The following JAZF1 variants were observed in gnomAD, a reference collection of about 807,000 sequenced individuals.
JAZF1 encodes JAZF zinc finger 1.
In JAZF1, 8 loss-of-function variants were observed where a neutral mutation model predicts 26.4. The ratio of observed to expected loss-of-function variants is 0.30; its 90% CI spans 0.18 to 0.55. JAZF1 has a LOEUF of 0.55. Ranked by LOEUF, JAZF1 falls within the 20% of genes least tolerant of loss-of-function variation. JAZF1 has a pLI of 0.94. For missense variants in JAZF1, 199 were observed against 322.0 expected (o/e 0.62, Z 2.92); for synonymous variants, 126 against 122.3 (o/e 1.03, Z -0.20).
chr7:27,886,878 A>G (rs953945066), intron 3 of JAZF1, among the ~76,000 whole-genome samples: 2 of 152,250 alleles, frequency 1.3e-5, no homozygotes, highest in African/African-American at 2.4e-5. Flanking sequence ...AGACTGGATA[A>G]AGAAAATGTG....
chr7:28,029,157 C>T (rs1259054441), intron 1 of JAZF1, among the ~76,000 whole-genome samples: 1 of 151,970 alleles, frequency 6.6e-6, no homozygotes, highest in East Asian at 1.9e-4. Flanking sequence ...AGAGGATGGC[C>T]CCGGGGAGGA....
At chr7:28,157,380 T>G (rs985280948) in intron 1 of JAZF1, among the ~76,000 whole-genome samples, 1 of 152,188 alleles carries the variant, frequency 6.6e-6, no homozygotes, top group East Asian at 1.9e-4. Flanking sequence ...TCACAATTAT[T>G]CAACTCTGCC....
At chr7:27,983,084 G>C (rs537918924) in intron 2 of JAZF1, among the ~76,000 whole-genome samples, 1 of 152,348 alleles carries the variant, frequency 6.6e-6, no homozygotes, top group African/African-American at 2.4e-5. Flanking sequence ...AACAAAGCTG[G>C]ATGGAGAATG....
chr7:28,124,000 G>A (rs1401359941), intron 1 of JAZF1, among the ~76,000 whole-genome samples: 1 of 152,180 alleles, frequency 6.6e-6, no homozygotes, highest in Non-Finnish European at 1.5e-5. Flanking sequence ...AACGTGCCAC[G>A]TGCAGCATCT....
intron 1 of JAZF1, among the ~76,000 whole-genome samples, chr7:28,059,453 CTAAG>C (rs1316389813): frequency 1.3e-5 from 2 of 152,076 alleles, no homozygotes; most frequent in Non-Finnish European, 2.9e-5. Flanking sequence ...TACCTTCTTC[CTAAG>C]TAATATGTTA....
chr7:28,150,055 A>T (rs1257331113), intron 1 of JAZF1, among the ~76,000 whole-genome samples: 1 of 152,172 alleles, frequency 6.6e-6, no homozygotes, highest in Admixed American at 6.5e-5. Flanking sequence ...TCTGAAGAGG[A>T]TTCCATTTCC....
intron 1 of JAZF1, among the ~76,000 whole-genome samples, chr7:28,033,107 G>C (rs1045038943): frequency 1.3e-5 from 2 of 152,078 alleles, no homozygotes; most frequent in African/African-American, 2.4e-5. Flanking sequence ...AAACTAGATG[G>C]GGAGTCCATC....
At chr7:28,016,023 C>T (rs1401726770) in intron 1 of JAZF1, among the ~76,000 whole-genome samples, 1 of 152,208 alleles carries the variant, frequency 6.6e-6, no homozygotes, top group Non-Finnish European at 1.5e-5. Flanking sequence ...TGCTCCTCTT[C>T]CAGACAGTGA....
intron 1 of JAZF1, among the ~76,000 whole-genome samples, chr7:28,143,264 G>A (rs1025781165): frequency 6.6e-6 from 1 of 152,152 alleles, no homozygotes; most frequent in Non-Finnish European, 1.5e-5. Context: ...ATACTTGTGT[G>A]TCTTCAGAAC....
chr7:28,038,687 A>G (rs368078205), intron 1 of JAZF1, among the ~76,000 whole-genome samples: 5 of 152,326 alleles, frequency 3.3e-5, no homozygotes, highest in African/African-American at 1.2e-4. Flanking sequence ...CAAATCCTTG[A>G]TTAACTGAAA....
At chr7:27,877,453 G>C (rs1014088537) in intron 3 of JAZF1, among the ~76,000 whole-genome samples, 1 of 152,184 alleles carries the variant, frequency 6.6e-6, no homozygotes, top group Admixed American at 6.5e-5. Flanking sequence ...AAACCCAGAG[G>C]AACTCACAAC....
chr7:27,911,453 C>T (rs545717691), intron 2 of JAZF1, among the ~76,000 whole-genome samples: 7 of 152,112 alleles, frequency 4.6e-5, no homozygotes, highest in Non-Finnish European at 8.8e-5. Flanking sequence ...AGGAAAGTTA[C>T]AAAATGCTAA....
At chr7:27,963,023 A>G (rs1268771625) in intron 2 of JAZF1, among the ~76,000 whole-genome samples, 1 of 152,212 alleles carries the variant, frequency 6.6e-6, no homozygotes, top group Admixed American at 6.5e-5. Context: ...TAATAAACTC[A>G]GCAAGCTGAA....
chr7:28,143,107 C>T (rs1042015370), intron 1 of JAZF1, among the ~76,000 whole-genome samples: 1 of 152,186 alleles, frequency 6.6e-6, no homozygotes, highest in East Asian at 1.9e-4. Flanking sequence ...GTCCAACCCT[C>T]TGGGTCTAGT....
intron 1 of JAZF1, among the ~76,000 whole-genome samples, chr7:28,070,430 T>C (rs1397694816): frequency 1.3e-5 from 2 of 152,230 alleles, no homozygotes; most frequent in African/African-American, 4.8e-5. Flanking sequence ...TCTAGATATT[T>C]GCAAAGGTTT....
chr7:28,061,406 A>C (rs1783795362), intron 1 of JAZF1, among the ~76,000 whole-genome samples: 1 of 152,240 alleles, frequency 6.6e-6, no homozygotes, highest in African/African-American at 2.4e-5. Flanking sequence ...AAAGTACACA[A>C]AACACATAAA....
intron 1 of JAZF1, among the ~76,000 whole-genome samples, chr7:28,087,768 A>T (rs1374967263): frequency 6.6e-6 from 1 of 152,238 alleles, no homozygotes; most frequent in Non-Finnish European, 1.5e-5. Flanking sequence ...GGAGGAGGTC[A>T]TTTGTCTATA....
At chr7:28,073,121 A>G (rs192350354) in intron 1 of JAZF1, among the ~76,000 whole-genome samples, 13 of 152,294 alleles carry the variant, frequency 8.5e-5, no homozygotes, top group Non-Finnish European at 1.2e-4. Flanking sequence ...ACACAACACT[A>G]TCGTCTTCTA....
chr7:28,020,808 T>C (rs1450694131), intron 1 of JAZF1: 4 of 408,180 alleles, frequency 9.8e-6, no homozygotes, highest in Non-Finnish European at 2.0e-5. Context: ...TTAGGAGAAT[T>C]ACCAAAACTC....
Sources: allele counts gnomAD v4.1 joint callset (sites outside exome capture counted in the v4.1 genomes callset), GRCh38; gene constraint gnomAD v4.1.1; transcripts MANE v1.5; gene names NCBI Gene and HGNC (gene_info 2026-07-23, HGNC 2026-07-21).